LDHB: variants seen among roughly 807,000 people sequenced by gnomAD.
The protein encoded by LDHB is L-lactate dehydrogenase B chain.
In LDHB, 18 loss-of-function variants were observed where a neutral mutation model predicts 33.4. That is an observed-to-expected ratio of 0.54 (90% CI 0.37 to 0.80). The LOEUF (loss-of-function observed/expected upper bound fraction) is 0.80, where lower values mean the gene tolerates loss of function less well. Ranked by LOEUF, LDHB falls within the 30% of genes least tolerant of loss-of-function variation. The pLI is 0.00. For missense variants in LDHB, 345 were observed against 407.9 expected (o/e 0.85, Z 1.33); for synonymous variants, 121 against 140.6 (o/e 0.86, Z 0.98).
chr12:21,645,601 A>G (rs1232103538), intron 3 of LDHB, among the ~76,000 whole-genome samples: 1 of 152,146 alleles, frequency 6.6e-6, no homozygotes, highest in Non-Finnish European at 1.5e-5. Context: ...TGAGATGTTT[A>G]TGTATATGCA....
Position 21,640,456 on chromosome 12 carries a change from A to T in LDHB, c.595+1496T>A, listed in dbSNP as rs1386647631. On this transcript the variant is annotated intron_variant, in intron 5 of 7. Coordinates refer to ENST00000350669, the MANE Select transcript of LDHB (RefSeq NM_002300.8). ...TAAAGAAACTATTTAGTTTTATCAT[A>T]CAGTCTCTTACTACTTAAATAATTG... Among the ~76,000 whole-genome samples the T allele has an allele frequency of 4.8e-5, 7 of 145,272 alleles. No homozygotes were observed. The East Asian group carries it at 1.3e-3, about 28-fold the overall frequency.
intron 2 of LDHB, 82 bp from the exon 3 acceptor site, chr12:21,647,098 T>G: frequency 1.3e-6 from 1 of 791,540 alleles, no homozygotes; most frequent in Non-Finnish European, 2.2e-6. Flanking sequence ...GAAAGATCTT[T>G]AACATGGCTA....
At chr12:21,650,893 T>A (rs558208898) in intron 2 of LDHB, among the ~76,000 whole-genome samples, 4 of 152,324 alleles carry the variant, frequency 2.6e-5, no homozygotes, top group Middle Eastern at 3.4e-3. Context: ...TCTCTGAAGG[T>A]AGAAGTGCTC....
Position 21,635,549 on chromosome 12 carries a change from T to C in LDHB, c.998A>G (p.Asp333Gly). The change falls in exon 8 of 8, where the codon GAC becomes GGC. Residue 333 changes from aspartate (D) to glycine (G), a missense_variant. Physicochemically the swap from Asp to Gly is moderately conservative, Grantham distance 94. Coordinates refer to ENST00000350669, the MANE Select transcript of LDHB (RefSeq NM_002300.8). The stretch of plus-strand genomic sequence containing the variant: ...CAGCCTAGAGCTCACTAGTCACAGG[T>C]CTTTTAGGTCCTTCTGGATGTCCCA... ...TLWDIQKDLKDL is the reference protein window; with the variant it reads ...TLWDIQKDLKGL The C allele has an allele frequency of 6.2e-7, 1 of 1,611,744 alleles. No individual in the cohort carries two copies. The highest frequency in any genetic ancestry group is 8.5e-7 in the Non-Finnish European group (1 of 1,179,528).
At chr12:21,643,265 G>T (rs1591829730) in intron 4 of LDHB, among the ~76,000 whole-genome samples, 1 of 152,292 alleles carries the variant, frequency 6.6e-6, no homozygotes, top group South Asian at 2.1e-4. Context: ...CAATGTACCT[G>T]CTATGCTCAC....
At chr12:21,643,306 A>G (rs1938424202) in intron 4 of LDHB, among the ~76,000 whole-genome samples, 1 of 152,244 alleles carries the variant, frequency 6.6e-6, no homozygotes, top group Non-Finnish European at 1.5e-5. Flanking sequence ...GGCAAACTAT[A>G]GATAAAAGCA....
chr12:21,656,159 A>C (rs1013153626), intron 1 of LDHB, among the ~76,000 whole-genome samples: 3 of 152,222 alleles, frequency 2.0e-5, no homozygotes, highest in Non-Finnish European at 4.4e-5. Flanking sequence ...AGTTAGCAGG[A>C]CTCAAAGTTG....
rs899226305 is a variant in LDHB, at chr12:21,657,747, C to T, written c.-7+4G>A. The T allele has an allele frequency of 6.6e-6, 1 of 152,336 alleles. No homozygotes were observed. The highest frequency in any genetic ancestry group is 1.5e-5 in the Non-Finnish European group (1 of 68,122). The allele number at this position is 152,336 out of a possible 1,614,324, so 9.4% of individuals were successfully genotyped here. On this transcript the variant is annotated splice_donor_region_variant and intron_variant, in intron 1 of 7. Coordinates refer to ENST00000350669, the MANE Select transcript of LDHB (RefSeq NM_002300.8). ...AGGATTCAGGGTCCTGAGCCGAAAC[C>T]TACCAGGAGAGAGAAGGCTCTGGAG...
At position 21,638,079 on chromosome 12, in the gene LDHB, G is replaced by C. The variant is rs1938265064; in HGVS notation, c.713+274C>G. Among the ~76,000 whole-genome samples the C allele has an allele frequency of 3.3e-5, 5 of 151,956 alleles. No homozygotes were observed. The South Asian group carries it at 1.0e-3, about 31-fold the overall frequency. On this transcript the variant is annotated intron_variant, in intron 6 of 7. Coordinates refer to ENST00000350669, the MANE Select transcript of LDHB (RefSeq NM_002300.8). ...AATAAATCAACCTTATTTGTTGAGA[G>C]GTGGCAATTTGAAGACTCTTCTCAC...
At position 21,642,964 on chromosome 12, in the gene LDHB, C is replaced by A. The variant is rs975556617; in HGVS notation, c.422-839G>T. Among the ~76,000 whole-genome samples the A allele has an allele frequency of 3.9e-5, 6 of 152,354 alleles. No homozygotes were observed. The South Asian group carries it at 8.3e-4, about 21-fold the overall frequency. ...AAAGTTGCATAATCATTTAGTGACGCCTGCCTGAGGCACAGGATGCAGTAA... is the reference window on the plus strand; with the variant it reads ...AAAGTTGCATAATCATTTAGTGACGACTGCCTGAGGCACAGGATGCAGTAA... On this transcript the variant is annotated intron_variant, in intron 4 of 7. Coordinates refer to ENST00000350669, the MANE Select transcript of LDHB (RefSeq NM_002300.8).
chr12:21,649,431 A>C (rs1227753054), intron 2 of LDHB, among the ~76,000 whole-genome samples: 1 of 152,240 alleles, frequency 6.6e-6, no homozygotes, highest in African/African-American at 2.4e-5. Context: ...GGCTTAAATA[A>C]ATCTCCCTCT....
intron 2 of LDHB, among the ~76,000 whole-genome samples, chr12:21,649,903 C>T (rs1168268433): frequency 2.0e-5 from 3 of 151,948 alleles, no homozygotes; most frequent in African/African-American, 7.3e-5. Context: ...AACAGCCTGG[C>T]CAACATAGTG....
At position 21,637,239 on chromosome 12, in the gene LDHB, T is replaced by C. The variant is rs537317652; in HGVS notation, c.714-45A>G. 5 of 1,481,570 alleles carry C rather than the reference T, an allele frequency of 3.4e-6. No individual in the cohort carries two copies. In the South Asian group the frequency reaches 4.5e-5, roughly 13 times the overall value. The allele number at this position is 1,481,570 out of a possible 1,614,324, so 91.8% of individuals were successfully genotyped here. A position where few individuals can be genotyped will look rare whatever the true frequency, so the allele number is the denominator to read the frequency against. On this transcript the variant is annotated intron_variant, in intron 6 of 7. Transcript: ENST00000350669. Reference sequence around the variant, plus strand: ...ACATCACTGAAATAAGACTCAATCATTATTGAAACCAGACCTGACTTTGAC... The same window carrying C: ...ACATCACTGAAATAAGACTCAATCACTATTGAAACCAGACCTGACTTTGAC...
At chr12:21,650,105 TACACACACAC>T (rs765877721) in intron 2 of LDHB, among the ~76,000 whole-genome samples, 4 of 30,976 alleles carry the variant, frequency 1.3e-4, no homozygotes, top group African/African-American at 3.1e-4. Context: ...AGAAAAAAAA[TACACACACAC>T]ACACACACAC....
At chr12:21,641,753 TA>T (rs1432963835) in intron 5 of LDHB, among the ~76,000 whole-genome samples, 198 bp downstream of exon 5, 1 of 152,024 alleles carries the variant, frequency 6.6e-6, no homozygotes, top group Non-Finnish European at 1.5e-5. Context: ...TTGATCAAGG[TA>T]AAGATAGATG....
Position 21,635,406 on chromosome 12 carries a change from G to A in LDHB, c.*136C>T. On this transcript the variant is annotated 3_prime_UTR_variant, in exon 8 of 8. Coordinates refer to ENST00000350669, the MANE Select transcript of LDHB (RefSeq NM_002300.8). ...ATTGCAAGCATTAAACCAAGCATAG[G>A]CTTTGATTCTGTGAGCCCAAATTCA... The A allele has an allele frequency of 1.3e-6, 1 of 768,652 alleles. No individual in the cohort carries two copies. The highest frequency in any genetic ancestry group is 2.5e-5 in the East Asian group (1 of 40,294). 47.6% of individuals were successfully genotyped at this position (768,652 alleles called of 1,614,324 possible).
chr12:21,643,737 CTT>C (rs1565627185), intron 4 of LDHB, 196 bp downstream of exon 4: 2 of 568,216 alleles, frequency 3.5e-6, no homozygotes, highest in East Asian at 2.8e-5. Flanking sequence ...AGCTAAAACT[CTT>C]GTCACATTTT....
At chr12:21,639,437 A>AT (rs1039742486) in intron 5 of LDHB, among the ~76,000 whole-genome samples, 1 of 151,626 alleles carries the variant, frequency 6.6e-6, no homozygotes, top group Non-Finnish European at 1.5e-5. Context: ...ACTTTGCCTT[A>AT]TTTTTTTTCT....
intron 3 of LDHB, among the ~76,000 whole-genome samples, chr12:21,644,969 T>A (rs1181100832): frequency 6.6e-6 from 1 of 152,206 alleles, no homozygotes; most frequent in African/African-American, 2.4e-5. Flanking sequence ...GAGATCAGAC[T>A]GTTACTGTGT....
Sources: allele counts gnomAD v4.1 joint callset (sites outside exome capture counted in the v4.1 genomes callset), GRCh38; gene constraint gnomAD v4.1.1; transcripts MANE v1.5; gene names NCBI Gene and HGNC (gene_info 2026-07-23, HGNC 2026-07-21).